KCNN2: variants seen among roughly 807,000 people sequenced by gnomAD.
KCNN2 encodes small conductance calcium-activated potassium channel protein 2.
KCNN2 carries 24 observed loss-of-function variants against 55.5 expected under a neutral mutation model. That is an observed-to-expected ratio of 0.43 (90% CI 0.31 to 0.61). KCNN2 has a LOEUF of 0.61. Among genes scored for constraint, KCNN2 ranks in the 20% least tolerant of loss-of-function variants. The probability of loss-of-function intolerance (pLI) is 0.08; values close to 1 mark genes in which losing one functional copy is unlikely to be tolerated. For missense variants in KCNN2, 754 were observed against 853.6 expected (o/e 0.88, Z 1.45); for synonymous variants, 431 against 336.1 (o/e 1.28, Z -3.09).
At chr5:114,366,681 A>G (rs1014761329) in intron 2 of KCNN2, among the ~76,000 whole-genome samples, 1 of 152,192 alleles carries the variant, frequency 6.6e-6, no homozygotes, top group Non-Finnish European at 1.5e-5. Context: ...ATGTATATGC[A>G]TGGAAAATGA....
chr5:114,357,292 GA>G (rs1013808574), upstream of KCNN2, among the ~76,000 whole-genome samples: 98 of 147,862 alleles, frequency 6.6e-4, no homozygotes, highest in African/African-American at 2.6e-3. Context: ...CAAACAACAT[GA>G]AATTTTTTTT....
At chr5:114,157,134 T>A (rs1171066015) in intron 1 of KCNN2, among the ~76,000 whole-genome samples, 1 of 150,424 alleles carries the variant, frequency 6.6e-6, no homozygotes, top group Non-Finnish European at 1.5e-5. Flanking sequence ...TAGGTATATC[T>A]CCTAATGCTA....
chr5:114,107,552 T>C (rs1425914589), intron 1 of KCNN2, among the ~76,000 whole-genome samples: 1 of 101,264 alleles, frequency 9.9e-6, no homozygotes, highest in Non-Finnish European at 2.3e-5. Context: ...GCCTGGCTAA[T>C]TTTTTTTTTT....
chr5:114,110,117 T>C (rs1421063300), intron 1 of KCNN2, among the ~76,000 whole-genome samples: 1 of 152,096 alleles, frequency 6.6e-6, no homozygotes, highest in African/African-American at 2.4e-5. Context: ...AACCTGCTGT[T>C]GCCTTGATCT....
At chr5:114,479,226 T>TA (rs55994944) in intron 5 of KCNN2, among the ~76,000 whole-genome samples, 107,123 of 138,878 alleles carry the variant, frequency 0.77, 40,809 homozygotes, top group East Asian at 0.92. Flanking sequence ...ATGAAAACTA[T>TA]AAAAAAAAAA....
At chr5:114,293,319 G>T (rs1240997302) in intron 2 of KCNN2, among the ~76,000 whole-genome samples, 1 of 152,070 alleles carries the variant, frequency 6.6e-6, no homozygotes, top group Non-Finnish European at 1.5e-5. Flanking sequence ...TATGATATTG[G>T]CTGTGGGTTT....
intron 3 of KCNN2, among the ~76,000 whole-genome samples, chr5:114,437,729 C>G (rs920153065): frequency 1.3e-5 from 2 of 152,088 alleles, no homozygotes; most frequent in African/African-American, 4.8e-5. Context: ...GTAGGACTCT[C>G]TGGTGTAAAA....
chr5:114,082,401 T>A (rs1357178478), intron 1 of KCNN2, among the ~76,000 whole-genome samples: 1 of 151,748 alleles, frequency 6.6e-6, no homozygotes, highest in Non-Finnish European at 1.5e-5. Flanking sequence ...AAGGGTATAT[T>A]ACCTGAAACC....
intron 1 of KCNN2, among the ~76,000 whole-genome samples, chr5:114,124,402 A>G (rs1751886914): frequency 6.6e-6 from 1 of 152,194 alleles, no homozygotes; most frequent in African/African-American, 2.4e-5. Context: ...CGGTGAGGTA[A>G]GGGACACCGT....
intron 1 of KCNN2, among the ~76,000 whole-genome samples, chr5:114,071,418 G>C (rs572866201): frequency 3.7e-4 from 56 of 152,310 alleles, no homozygotes; most frequent in Admixed American, 2.4e-3. Context: ...GTGAAGACAT[G>C]CCTGTTTGAA....
intron 3 of KCNN2, among the ~76,000 whole-genome samples, chr5:114,424,785 C>G (rs1435934890): frequency 6.6e-6 from 1 of 152,162 alleles, no homozygotes; most frequent in Non-Finnish European, 1.5e-5. Context: ...GAAGAGGAGT[C>G]TAAGGTTTCT....
At chr5:114,246,327 T>C (rs906054767) in intron 2 of KCNN2, among the ~76,000 whole-genome samples, 8 of 152,218 alleles carry the variant, frequency 5.3e-5, no homozygotes, top group Admixed American at 2.0e-4. Flanking sequence ...TTTGCGATGC[T>C]CTAGGCAGCA....
At position 114,225,777 on chromosome 5, in the gene KCNN2, A is replaced by G. The variant is rs189092900; in HGVS notation, c.-185+4212A>G. On this transcript the variant is annotated intron_variant, in intron 2 of 10. Coordinates refer to the KCNN2 transcript ENST00000512097. ...CAGATTCTGAGGGAATTGATTTTGAACCTAAATCCTTATAGCCAGCTACAT... is the reference window on the plus strand; with the variant it reads ...CAGATTCTGAGGGAATTGATTTTGAGCCTAAATCCTTATAGCCAGCTACAT... Among the ~76,000 whole-genome samples the G allele has an allele frequency of 2.1e-3, 320 of 152,334 alleles. 1 individual carries two copies. Among genetic ancestry groups the G allele is most frequent in the African/African-American group, 7.1e-3 (296 of 41,574 alleles).
chr5:114,216,504 G>A (rs1363675980), intron 1 of KCNN2, among the ~76,000 whole-genome samples: 1 of 152,072 alleles, frequency 6.6e-6, no homozygotes, highest in East Asian at 1.9e-4. Context: ...TTATGTAAAG[G>A]TAAATTTATG....
chr5:114,297,157 A>G (rs1372590420), intron 2 of KCNN2, among the ~76,000 whole-genome samples: 1 of 152,088 alleles, frequency 6.6e-6, no homozygotes, highest in Admixed American at 6.6e-5. Flanking sequence ...CATTTATTTT[A>G]TCAAAATTTT....
chr5:114,162,012 A>G (rs1752796906), intron 1 of KCNN2, among the ~76,000 whole-genome samples: 1 of 152,208 alleles, frequency 6.6e-6, no homozygotes, highest in Admixed American at 6.5e-5. Flanking sequence ...CATGAAAGTC[A>G]TTCTCTGTCC....
At chr5:114,492,333 T>C (rs1747898297) in intron 6 of KCNN2, among the ~76,000 whole-genome samples, 1 of 152,128 alleles carries the variant, frequency 6.6e-6, no homozygotes. Flanking sequence ...AAAAATTCTC[T>C]CTCTAGCATT....
intron 2 of KCNN2, among the ~76,000 whole-genome samples, chr5:114,383,314 T>C (rs925471467): frequency 6.6e-6 from 1 of 152,122 alleles, no homozygotes; most frequent in African/African-American, 2.4e-5. Flanking sequence ...TTCTCTCAAA[T>C]ATTAGATGTG....
chr5:114,125,988 G>T (rs1751922951), intron 1 of KCNN2, among the ~76,000 whole-genome samples: 1 of 152,044 alleles, frequency 6.6e-6, no homozygotes, highest in Non-Finnish European at 1.5e-5. Context: ...CATAACAAAG[G>T]GTATCCTTCC....
Sources: gnomAD v4.1 joint callset for allele counts (sites outside exome capture counted in the v4.1 genomes callset) on GRCh38, gnomAD v4.1.1 for gene constraint, MANE v1.5 for transcripts, NCBI Gene and HGNC (gene_info 2026-07-23, HGNC 2026-07-21) for gene names.